The following CAMK1D variants were observed in gnomAD, a reference collection of about 807,000 sequenced individuals.
CAMK1D encodes the protein calcium/calmodulin-dependent protein kinase type 1D.
A neutral mutation model predicts 47.7 loss-of-function variants in CAMK1D; 9 were observed. The ratio of observed to expected loss-of-function variants is 0.19; its 90% CI spans 0.11 to 0.33. The LOEUF (loss-of-function observed/expected upper bound fraction) is 0.33, where lower values mean the gene tolerates loss of function less well. Ranked by LOEUF, CAMK1D falls within the 10% of genes least tolerant of loss-of-function variation. CAMK1D has a pLI of 1.00. For synonymous variants in CAMK1D, 184 were observed against 184.9 expected (o/e 0.99, Z 0.04); for missense variants, 291 against 488.7 (o/e 0.60, Z 3.81).
At chr10:12,606,613 G>A (rs116662002) in intron 2 of CAMK1D, among the ~76,000 whole-genome samples, 75 of 152,304 alleles carry the variant, frequency 4.9e-4, no homozygotes, top group African/African-American at 1.8e-3. Context: ...ACCAGGGGTT[G>A]CACGTGCTCA....
intron 1 of CAMK1D, among the ~76,000 whole-genome samples, chr10:12,401,108 T>TA: frequency 1.6e-5 from 1 of 62,708 alleles, no homozygotes; most frequent in South Asian, 3.7e-4. Flanking sequence ...TATATATATT[T>TA]TATATATATA....
chr10:12,673,699 A>G (rs964425341), intron 3 of CAMK1D, among the ~76,000 whole-genome samples: 4 of 152,238 alleles, frequency 2.6e-5, no homozygotes, highest in African/African-American at 4.8e-5. Context: ...TGTGTTAGAC[A>G]TTTTGAAAAT....
chr10:12,606,528 G>A (rs1471526726), intron 2 of CAMK1D, among the ~76,000 whole-genome samples: 7 of 152,176 alleles, frequency 4.6e-5, no homozygotes, highest in East Asian at 1.9e-4. Flanking sequence ...ATTTTAACTC[G>A]TGGTTTCCTG....
At chr10:12,522,540 A>G (rs2132195472) in intron 1 of CAMK1D, among the ~76,000 whole-genome samples, 1 of 152,156 alleles carries the variant, frequency 6.6e-6, no homozygotes, top group South Asian at 2.1e-4. Flanking sequence ...ACAGGATCCC[A>G]AGGCAGAAGA....
At chr10:12,461,674 C>T (rs1035219783) in intron 1 of CAMK1D, among the ~76,000 whole-genome samples, 17 of 123,588 alleles carry the variant, frequency 1.4e-4, no homozygotes, top group African/African-American at 5.3e-4. Flanking sequence ...GGTGACAGAG[C>T]GAGGCTTCAT....
intron 2 of CAMK1D, among the ~76,000 whole-genome samples, chr10:12,583,325 G>A (rs1433031243): frequency 6.6e-6 from 1 of 152,124 alleles, no homozygotes; most frequent in African/African-American, 2.4e-5. Flanking sequence ...TGACGTAAAA[G>A]AAATTGTCCT....
intron 2 of CAMK1D, among the ~76,000 whole-genome samples, chr10:12,617,513 G>C (rs562987321): frequency 1.3e-5 from 2 of 152,158 alleles, no homozygotes; most frequent in Non-Finnish European, 2.9e-5. Context: ...ATGATGGCCA[G>C]AAAATAAGCG....
chr10:12,716,623 G>A (rs1156405064), intron 3 of CAMK1D, among the ~76,000 whole-genome samples: 3 of 152,006 alleles, frequency 2.0e-5, no homozygotes, highest in Non-Finnish European at 4.4e-5. Context: ...CACCTTCTTT[G>A]CCCCATTTCC....
chr10:12,520,265 A>G (rs1218857845), intron 1 of CAMK1D, among the ~76,000 whole-genome samples: 6 of 78,796 alleles, frequency 7.6e-5, no homozygotes, highest in Admixed American at 3.8e-4. Flanking sequence ...GTTGCGGCCC[A>G]GCAGAGGCGC....
chr10:12,640,076 A>G (rs1431812811), intron 2 of CAMK1D, among the ~76,000 whole-genome samples: 1 of 152,146 alleles, frequency 6.6e-6, no homozygotes, highest in Non-Finnish European at 1.5e-5. Flanking sequence ...AGATGTCCTT[A>G]TTTTTATTCT....
intron 1 of CAMK1D, among the ~76,000 whole-genome samples, chr10:12,359,004 A>G (rs1180800084): frequency 6.6e-6 from 1 of 152,210 alleles, no homozygotes; most frequent in Non-Finnish European, 1.5e-5. Context: ...TTCAGCAATC[A>G]TAAACAATTC....
intron 1 of CAMK1D, among the ~76,000 whole-genome samples, chr10:12,506,899 T>G (rs980753879): frequency 1.3e-5 from 2 of 152,212 alleles, no homozygotes; most frequent in Admixed American, 6.5e-5. Context: ...CATCATGTCC[T>G]TAGTTCCTAG....
chr10:12,553,447 G>A (rs1397294207), intron 2 of CAMK1D, 91 bp downstream of exon 2: 5 of 1,066,522 alleles, frequency 4.7e-6, no homozygotes, highest in Non-Finnish European at 7.1e-6. Flanking sequence ...CTTTCCCCGG[G>A]GGCAGAGGGG....
At chr10:12,613,544 T>C (rs1275932447) in intron 2 of CAMK1D, among the ~76,000 whole-genome samples, 1 of 152,228 alleles carries the variant, frequency 6.6e-6, no homozygotes, top group African/African-American at 2.4e-5. Context: ...CTTGCCGATA[T>C]CTACCAATTT....
intron 3 of CAMK1D, among the ~76,000 whole-genome samples, chr10:12,703,483 C>T (rs1833607530): frequency 6.6e-6 from 1 of 152,214 alleles, no homozygotes; most frequent in African/African-American, 2.4e-5. Context: ...GTAATAGACA[C>T]TGCCATTGCA....
intron 3 of CAMK1D, among the ~76,000 whole-genome samples, chr10:12,745,239 C>T (rs1179571698): frequency 6.6e-6 from 1 of 152,092 alleles, no homozygotes; most frequent in Non-Finnish European, 1.5e-5. Context: ...ACCGTGTTAG[C>T]CAGGATGGTC....
intron 2 of CAMK1D, among the ~76,000 whole-genome samples, chr10:12,599,956 C>T (rs571870587): frequency 5.9e-5 from 9 of 152,254 alleles, no homozygotes; most frequent in East Asian, 1.9e-4. Flanking sequence ...TACAGTAGAA[C>T]GAGCAAGATG....
intron 1 of CAMK1D, among the ~76,000 whole-genome samples, chr10:12,434,461 G>A (rs1259871713): frequency 6.6e-6 from 1 of 152,174 alleles, no homozygotes; most frequent in Admixed American, 6.5e-5. Context: ...CAGGAACGGG[G>A]CTGGATCTAG....
intron 9 of CAMK1D, among the ~76,000 whole-genome samples, chr10:12,825,058 T>A (rs1010754833): frequency 6.6e-6 from 1 of 152,238 alleles, no homozygotes; most frequent in Non-Finnish European, 1.5e-5. Flanking sequence ...TGAGGGCCAA[T>A]GGTGAAAGAT....
Sources: allele counts gnomAD v4.1 joint callset (sites outside exome capture counted in the v4.1 genomes callset), GRCh38; gene constraint gnomAD v4.1.1; transcripts MANE v1.5; gene names NCBI Gene and HGNC (gene_info 2026-07-23, HGNC 2026-07-21).